The following PAPSS1 variants were observed in gnomAD, a reference collection of about 807,000 sequenced individuals.
PAPSS1 encodes the protein 3'-phosphoadenosine 5'-phosphosulfate synthase 1, also known as bifunctional 3'-phosphoadenosine 5'-phosphosulfate synthase 1.
Under a neutral mutation model 72.0 loss-of-function variants are expected in PAPSS1, and 50 were observed. The ratio of observed to expected loss-of-function variants is 0.69; its 90% CI spans 0.55 to 0.88. The LOEUF (loss-of-function observed/expected upper bound fraction) is 0.88, where lower values mean the gene tolerates loss of function less well. Ranked by LOEUF, PAPSS1 falls within the 40% of genes least tolerant of loss-of-function variation. PAPSS1 has a pLI of 0.00. For missense variants in PAPSS1, 657 were observed against 782.2 expected, an observed-to-expected ratio of 0.84 and a Z score of 1.91; for synonymous variants, 261 against 263.6, an observed-to-expected ratio of 0.99 and a Z score of 0.09.
intron 11 of PAPSS1, among the ~76,000 whole-genome samples, chr4:107,623,787 T>G (rs2726675): frequency 0.63 from 95,606 of 152,030 alleles, 30,707 homozygotes; most frequent in African/African-American, 0.76. Context: ...AGTTTGTTAG[T>G]TTTACCAGGG....
rs1725899543 is a variant in PAPSS1, at chr4:107,619,305, C to A, written c.1737-4918G>T. The stretch of plus-strand genomic sequence containing the variant: ...CCTCTTGTCCTGAAGCTATTTCACA[C>A]TCCATCTGCCCTGCATGCCACAAGC... On this transcript the variant is annotated intron_variant, in intron 11 of 11. Coordinates refer to ENST00000265174, the MANE Select transcript of PAPSS1 (RefSeq NM_005443.5). 2.0e-5 allele frequency among the ~76,000 whole-genome samples: 3 copies of A among 152,204 alleles called. No homozygotes were observed. In the South Asian group the frequency reaches 6.2e-4, roughly 31 times the overall value.
chr4:107,646,556 C>T (rs137855491), intron 9 of PAPSS1, among the ~76,000 whole-genome samples: 157 of 152,202 alleles, frequency 1.0e-3, no homozygotes, highest in African/African-American at 3.6e-3. Flanking sequence ...AGCTGGAACA[C>T]CTTTTTGCAC....
At chr4:107,618,582 G>A (rs1725881931) in intron 11 of PAPSS1, among the ~76,000 whole-genome samples, 1 of 152,002 alleles carries the variant, frequency 6.6e-6, no homozygotes, top group African/African-American at 2.4e-5. Flanking sequence ...AGAGGAAACA[G>A]AAGGTGGTGG....
chr4:107,654,658 CAAAT>C, intron 8 of PAPSS1, 33 bp downstream of exon 8: 1 of 1,523,458 alleles, frequency 6.6e-7, no homozygotes, highest in African/African-American at 1.4e-5. Context: ...ACATCATTGG[CAAAT>C]CAAGATAAAA....
At chr4:107,652,679 T>A (rs937884947) in intron 9 of PAPSS1, among the ~76,000 whole-genome samples, 9 of 152,184 alleles carry the variant, frequency 5.9e-5, no homozygotes, top group African/African-American at 2.2e-4. Context: ...GTTCCGTTGT[T>A]CCATTATTTG....
At chr4:107,646,271 C>A (rs1485636678) in intron 9 of PAPSS1, among the ~76,000 whole-genome samples, 1 of 150,864 alleles carries the variant, frequency 6.6e-6, no homozygotes. Context: ...CAAAATATCC[C>A]TTTTGACCAC....
intron 1 of PAPSS1, among the ~76,000 whole-genome samples, chr4:107,704,882 C>T (rs1020305813): frequency 1.1e-4 from 16 of 151,378 alleles, no homozygotes; most frequent in African/African-American, 2.4e-4. Flanking sequence ...ACCCAGGAGG[C>T]GGAGGTTGCA....
chr4:107,663,353 C>A (rs756551283), intron 5 of PAPSS1, among the ~76,000 whole-genome samples: 1 of 152,130 alleles, frequency 6.6e-6, no homozygotes, highest in Non-Finnish European at 1.5e-5. Flanking sequence ...GAGCATCTTA[C>A]AACGTGTCTC....
At chr4:107,631,905 T>C (rs1171170092) in intron 10 of PAPSS1, 45 bp from the exon 11 acceptor site, 12 of 1,259,398 alleles carry the variant, frequency 9.5e-6, no homozygotes, top group Non-Finnish European at 1.4e-5. Flanking sequence ...TTTATGACTA[T>C]GTACTTAGAA....
At chr4:107,683,973 C>A (rs1281214417) in intron 4 of PAPSS1, among the ~76,000 whole-genome samples, 7 of 136,066 alleles carry the variant, frequency 5.1e-5, no homozygotes, top group South Asian at 2.5e-4. Context: ...CAGACACACA[C>A]ACAAACACAC....
chr4:107,687,352 T>C (rs1341636884), intron 3 of PAPSS1, among the ~76,000 whole-genome samples, 175 bp from the exon 4 acceptor site: 1 of 152,184 alleles, frequency 6.6e-6, no homozygotes, highest in East Asian at 1.9e-4. Flanking sequence ...TTCCTATTAT[T>C]CATGACAATT....
At chr4:107,692,963 AT>A (rs1284822117) in intron 3 of PAPSS1, among the ~76,000 whole-genome samples, 1 of 152,038 alleles carries the variant, frequency 6.6e-6, no homozygotes, top group Non-Finnish European at 1.5e-5. Flanking sequence ...ACACGGACAC[AT>A]GGGGGGAAAC....
intron 9 of PAPSS1, 62 bp from the exon 10 acceptor site, chr4:107,645,132 T>C (rs1726658657): frequency 7.6e-7 from 1 of 1,315,186 alleles, no homozygotes; most frequent in Non-Finnish European, 9.9e-7. Context: ...TTCCAAAGGA[T>C]ACGCAATTTT....
At chr4:107,662,227 C>T (rs1232644745) in intron 5 of PAPSS1, among the ~76,000 whole-genome samples, 1 of 152,200 alleles carries the variant, frequency 6.6e-6, no homozygotes, top group African/African-American at 2.4e-5. Context: ...AGCCTCTTGT[C>T]CCTCTAGGGT....
intron 5 of PAPSS1, among the ~76,000 whole-genome samples, chr4:107,680,161 C>G (rs1359569360): frequency 6.6e-6 from 1 of 151,380 alleles, no homozygotes; most frequent in African/African-American, 2.4e-5. Context: ...TGATAATGGC[C>G]AAGAATTTTC....
At chr4:107,653,679 A>C in intron 8 of PAPSS1, 53 bp from the exon 9 acceptor site, 1 of 1,508,930 alleles carries the variant, frequency 6.6e-7, no homozygotes, top group Non-Finnish European at 9.1e-7. Context: ...AATAAGTAAA[A>C]ACATTTCTCT....
intron 5 of PAPSS1, among the ~76,000 whole-genome samples, chr4:107,676,478 G>GGAT (rs1727652772): frequency 6.6e-6 from 1 of 152,090 alleles, no homozygotes; most frequent in South Asian, 2.1e-4. Flanking sequence ...AGCTTACAAG[G>GGAT]GATGTGAAAG....
chr4:107,680,765 T>C (rs367991414), intron 5 of PAPSS1, among the ~76,000 whole-genome samples: 1 of 151,896 alleles, frequency 6.6e-6, no homozygotes, highest in African/African-American at 2.4e-5. Context: ...AAGCTACAAG[T>C]AGAACAATAG....
rs1375523453 is a variant in PAPSS1, at chr4:107,693,845, T to C, written c.337A>G (p.Ile113Val). Reference protein sequence around the residue: ...PEDREENVRRIAEVAKLFADA... With the variant: ...PEDREENVRRVAEVAKLFADA... ...GCAAACAGTTTAGCAACTTCTGCGA[T>C]GCGTCGAACATTCTCTTCTCTGTCT... Residue 113 changes from isoleucine to valine, a missense_variant, in exon 3 of 12, where the codon ATC (isoleucine) becomes GTC (valine). By Grantham distance (29) the Ile-to-Val change is conservative. This residue lies in a region of PAPSS1 where 119 missense variants were observed against 171.1 expected (regional missense o/e 0.70). Transcript: ENST00000265174. 6 of 1,613,976 alleles carry C rather than the reference T, an allele frequency of 3.7e-6. No homozygotes were observed. The highest frequency in any genetic ancestry group is 2.2e-5 in the East Asian group (1 of 44,882).
Sources: allele counts gnomAD v4.1 joint callset (sites outside exome capture counted in the v4.1 genomes callset), GRCh38; gene constraint gnomAD v4.1.1; regional missense constraint gnomAD v4.1.1; transcripts MANE v1.5; gene names NCBI Gene and HGNC (gene_info 2026-07-23, HGNC 2026-07-21).